Variants in MBLAC2 observed in about 807,000 individuals in gnomAD.
MBLAC2 encodes metallo-beta-lactamase domain containing 2.
MBLAC2 carries 24 observed loss-of-function variants against 23.3 expected under a neutral mutation model. The ratio of observed to expected loss-of-function variants is 1.03; its 90% confidence interval spans 0.75 to 1.45. MBLAC2 has a LOEUF of 1.45. Among genes scored for constraint, MBLAC2 ranks in the 40% most tolerant of loss-of-function variants. MBLAC2 has a pLI of 0.00. For synonymous variants in MBLAC2, 162 were observed against 150.9 expected, an observed-to-expected ratio of 1.07 and a Z score of -0.54; for missense variants, 358 against 370.0, an observed-to-expected ratio of 0.97 and a Z score of 0.27.
At position 90,460,895 on chromosome 5, in the gene MBLAC2, T is replaced by C; in HGVS notation, c.*272A>G. On this transcript the variant is annotated 3_prime_UTR_variant, in exon 2 of 2. Coordinates refer to ENST00000316610, the MANE Select transcript of MBLAC2 (RefSeq NM_203406.2). ...GTTCTCTTGCCACAAAATCTCTCTT[T>C]GCTTCCCCATAAACCTTTATGTCAT... is the stretch of plus-strand genomic sequence containing the variant. The C allele has an allele frequency of 3.6e-6, 1 of 275,882 alleles. No homozygotes were observed. The highest frequency in any genetic ancestry group is 4.7e-5 in the Admixed American group (1 of 21,454). 17.1% of individuals were successfully genotyped at this position (275,882 alleles called of 1,614,324 possible). A position where few individuals can be genotyped will look rare whatever the true frequency, so the allele number is the denominator to read the frequency against.
At chr5:90,467,888 G>T (rs1196941595) in intron 1 of MBLAC2, among the ~76,000 whole-genome samples, 1 of 152,104 alleles carries the variant, frequency 6.6e-6, no homozygotes. Flanking sequence ...ATCAGTTCTT[G>T]TAGTGATGGC....
In MBLAC2 at chr5:90,474,668, A is replaced by G; in HGVS notation, c.-376T>C. 3.5e-6 allele frequency: 1 copy of G among 283,402 alleles called. No homozygotes were observed. The highest frequency in any genetic ancestry group is 3.4e-5 in the South Asian group (1 of 29,572). 17.6% of individuals were successfully genotyped at this position (283,402 alleles called of 1,614,324 possible). A position where few individuals can be genotyped will look rare whatever the true frequency, so the allele number is the denominator to read the frequency against. ...CGCCACCCCGGGCGTGTGACAGCAG[A>G]GGCCCGCAGTGAGGGTGGGAAGAGC... On this transcript the variant is annotated 5_prime_UTR_variant, in exon 1 of 2. Coordinates refer to ENST00000316610, the MANE Select transcript of MBLAC2 (RefSeq NM_203406.2).
chr5:90,473,316 T>A (rs971769933), intron 1 of MBLAC2: 4 of 234,030 alleles, frequency 1.7e-5, no homozygotes, highest in African/African-American at 9.3e-5. Flanking sequence ...CATTAGCGGA[T>A]TGGAATCACT....
At chr5:90,467,943 C>T (rs561877825) in intron 1 of MBLAC2, among the ~76,000 whole-genome samples, 1 of 152,186 alleles carries the variant, frequency 6.6e-6, no homozygotes, top group African/African-American at 2.4e-5. Context: ...CTAGAAAAGA[C>T]TGTATCTTTC....
Position 90,460,922 on chromosome 5 carries a change from T to G in MBLAC2, c.*245A>C, listed in dbSNP as rs937911917. ...CTTCCCCATAAACCTTTATGTCATT[T>G]CTAGAGCATATATTACAAGATGACA... On this transcript the variant is annotated 3_prime_UTR_variant, in exon 2 of 2. Coordinates refer to ENST00000316610, the MANE Select transcript of MBLAC2 (RefSeq NM_203406.2). The G allele has an allele frequency of 1.6e-5, 6 of 365,044 alleles. No homozygotes were observed. The South Asian group carries it at 3.5e-4, about 22-fold the overall frequency. The allele number at this position is 365,044 out of a possible 1,614,324, so 22.6% of individuals were successfully genotyped here.
intron 1 of MBLAC2, 116 bp downstream of exon 1, chr5:90,473,723 C>T: frequency 2.9e-6 from 3 of 1,022,660 alleles, no homozygotes; most frequent in Non-Finnish European, 4.5e-6. Flanking sequence ...AGTGGCTCTG[C>T]GAGGTGCCAA....
chr5:90,473,484 T>C lies in MBLAC2; in HGVS notation c.454+355A>G, dbSNP rs1289870911. 1.6e-5 allele frequency: 9 copies of C among 578,868 alleles called. No individual in the cohort carries two copies. The Admixed American group carries it at 3.0e-4, about 19-fold the overall frequency. 35.9% of individuals were successfully genotyped at this position (578,868 alleles called of 1,614,324 possible). A position where few individuals can be genotyped will look rare whatever the true frequency, so the allele number is the denominator to read the frequency against. ...TGCTCACTACGAAAGCTCCTGGAAA[T>C]GTCGGGCAGGTGCTTAGGGAAAGAA... On this transcript the variant is annotated intron_variant, in intron 1 of 1. Coordinates refer to ENST00000316610, the MANE Select transcript of MBLAC2 (RefSeq NM_203406.2).
At chr5:90,469,648 GT>G (rs201959864) in intron 1 of MBLAC2, among the ~76,000 whole-genome samples, 1 of 151,952 alleles carries the variant, frequency 6.6e-6, no homozygotes, top group Non-Finnish European at 1.5e-5. Flanking sequence ...AGAATTTTCT[GT>G]TTTTTTATAA....
chr5:90,469,110 C>G (rs977461205), intron 1 of MBLAC2, among the ~76,000 whole-genome samples: 1 of 152,244 alleles, frequency 6.6e-6, no homozygotes, highest in African/African-American at 2.4e-5. Flanking sequence ...GGATTACAGG[C>G]ATGCAACACC....
chr5:90,470,756 G>GCACACACACACACACA (rs35909248), intron 1 of MBLAC2, among the ~76,000 whole-genome samples: 167 of 140,648 alleles, frequency 1.2e-3, no homozygotes, highest in African/African-American at 4.1e-3. Context: ...TAGCGCGCGC[G>GCACACACACACACACA]CACACACACA....
intron 1 of MBLAC2, among the ~76,000 whole-genome samples, chr5:90,470,310 T>A (rs1046204427): frequency 1.3e-5 from 2 of 152,164 alleles, no homozygotes; most frequent in Non-Finnish European, 2.9e-5. Flanking sequence ...TAACAAGGAT[T>A]TATTGCATGT....
rs1467880994 is a variant in MBLAC2, at chr5:90,474,574, G to A, written c.-282C>T. The A allele has an allele frequency of 2.1e-6, 1 of 470,650 alleles. No individual in the cohort carries two copies. The allele number at this position is 470,650 out of a possible 1,614,324, so 29.2% of individuals were successfully genotyped here. A position where few individuals can be genotyped will look rare whatever the true frequency, so the allele number is the denominator to read the frequency against. On this transcript the variant is annotated 5_prime_UTR_variant, in exon 1 of 2. Transcript: ENST00000316610. ...CGCAGGAGCTACCGCAGCCTCGGCA[G>A]CCGCACCACGAGAGAGCTTTAACGC...
intron 1 of MBLAC2, chr5:90,473,335 G>A (rs1750600237): frequency 3.6e-6 from 1 of 278,258 alleles, no homozygotes; most frequent in Non-Finnish European, 6.7e-6. Flanking sequence ...CTGGTCTGAT[G>A]ACTCTCTAAG....
Position 90,474,504 on chromosome 5 carries a change from C to T in MBLAC2, c.-212G>A, listed in dbSNP as rs1034461132. On this transcript the variant is annotated 5_prime_UTR_variant, in exon 1 of 2. Transcript: ENST00000316610. ...CCGTAGCGTGCGCTCCCGCACCCTT[C>T]CGCCAGGTCGGCAGCAAGCAGAGGC... The T allele has an allele frequency of 1.8e-6, 1 of 556,230 alleles. No homozygotes were observed. The highest frequency in any genetic ancestry group is 3.2e-6 in the Non-Finnish European group (1 of 316,740). The allele number at this position is 556,230 out of a possible 1,614,324, so 34.5% of individuals were successfully genotyped here.
At position 90,461,383 on chromosome 5, in the gene MBLAC2, A is replaced by G; in HGVS notation, c.624T>C (p.Tyr208=). The change falls in exon 2 of 2, where the codon TAT becomes TAC. Residue 208 remains tyrosine (Y), a synonymous_variant. Transcript: ENST00000316610. ...DWLPYSRISD[Y]VGTCERLIEL... ...CTATTAGACGTTCACAAGTTCCAAC[A>G]TAGTCACTTATCCTGCTGTATGGGA... 3 of 1,614,136 alleles carry G rather than the reference A, an allele frequency of 1.9e-6. 1 individual carries two copies. In the South Asian group the frequency reaches 3.3e-5, roughly 18 times the overall value.
intron 1 of MBLAC2, among the ~76,000 whole-genome samples, chr5:90,470,747 AGC>A (rs149818787): frequency 0.063 from 9,031 of 143,582 alleles, 380 homozygotes; most frequent in African/African-American, 0.11. Flanking sequence ...CTAGAAAACT[AGC>A]GCGCGCGCAC....
Position 90,459,266 on chromosome 5 carries a change from C to G in MBLAC2, c.*1901G>C, listed in dbSNP as rs1750315533. ...TGATATTCTGTTAATATAATTGAAC[C>G]AATCATACCCTCCTTTTTGATTGAA... On this transcript the variant is annotated 3_prime_UTR_variant, in exon 2 of 2. Transcript: ENST00000316610. The G allele has an allele frequency of 1.3e-5, 2 of 152,428 alleles. No homozygotes were observed. The highest frequency in any genetic ancestry group is 6.6e-5 in the Admixed American group (1 of 15,264). 9.4% of individuals were successfully genotyped at this position (152,428 alleles called of 1,614,324 possible). A position where few individuals can be genotyped will look rare whatever the true frequency, so the allele number is the denominator to read the frequency against.
rs577793617 is a variant in MBLAC2, at chr5:90,464,719, TAA to T, written c.455-3169_455-3168del. ...CAAGTGAAGTTTATTCCAGAAATAT[TAA>T]GTTTGGTTTAACTAGTGAAAATAAA... On this transcript the variant is annotated intron_variant, in intron 1 of 1. Coordinates refer to ENST00000316610, the MANE Select transcript of MBLAC2 (RefSeq NM_203406.2). 3.1e-4 allele frequency among the ~76,000 whole-genome samples: 47 copies of T among 152,306 alleles called. No individual in the cohort carries two copies. In the South Asian group the frequency reaches 7.7e-3, roughly 25 times the overall value.
rs1750598731 is a variant in MBLAC2 at position 90,473,297 on chromosome 5, T to C, written c.454+542A>G. 3 of 210,594 alleles carry C rather than the reference T, an allele frequency of 1.4e-5. No individual in the cohort carries two copies. In the Admixed American group the frequency reaches 1.8e-4, roughly 13 times the overall value. 13.0% of individuals were successfully genotyped at this position (210,594 alleles called of 1,614,324 possible). A position where few individuals can be genotyped will look rare whatever the true frequency, so the allele number is the denominator to read the frequency against. On this transcript the variant is annotated intron_variant, in intron 1 of 1. Transcript: ENST00000316610. ...AAGAACAGAAACCTATCTGAAAGGT[T>C]TCCAATCGCATTAGCGGATTGGAAT...
Sources: allele counts gnomAD v4.1 joint callset (sites outside exome capture counted in the v4.1 genomes callset), GRCh38; gene constraint gnomAD v4.1.1; transcripts MANE v1.5; gene names NCBI Gene and HGNC (gene_info 2026-07-23, HGNC 2026-07-21).